The following ERC2 variants were observed in gnomAD, a reference collection of about 807,000 sequenced individuals.
The protein encoded by ERC2 is ERC protein 2.
In ERC2, 42 loss-of-function variants were observed where a neutral mutation model predicts 114.8. The observed-to-expected ratio is 0.37, with a 90% CI of 0.29 to 0.47. ERC2 has a LOEUF of 0.47. ERC2 is among the 20% of genes least tolerant of loss of function. ERC2 has a pLI of 0.99. For synonymous variants in ERC2, 454 were observed against 425.5 expected, an observed-to-expected ratio of 1.07 and a Z score of -0.82; for missense variants, 939 against 1,150.7, an observed-to-expected ratio of 0.82 and a Z score of 2.66.
chr3:55,988,904 A>G (rs2070837552), intron 11 of ERC2, among the ~76,000 whole-genome samples: 1 of 152,232 alleles, frequency 6.6e-6, no homozygotes, highest in Admixed American at 6.5e-5. Flanking sequence ...AGGTTGCTTG[A>G]CAACTGGAAG....
At chr3:55,934,178 A>G (rs1439800252) in intron 13 of ERC2, among the ~76,000 whole-genome samples, 1 of 152,256 alleles carries the variant, frequency 6.6e-6, no homozygotes, top group African/African-American at 2.4e-5. Context: ...CTAAAAATTT[A>G]TGATGCTGGG....
intron 14 of ERC2, among the ~76,000 whole-genome samples, chr3:55,808,735 AT>A (rs1559689490): frequency 0.072 from 8,081 of 112,880 alleles, 485 homozygotes; most frequent in Non-Finnish European, 0.097. Context: ...ATATATATAT[AT>A]ATATATAACG....
At chr3:56,000,928 C>T (rs2149546648) in intron 10 of ERC2, among the ~76,000 whole-genome samples, 1 of 149,604 alleles carries the variant, frequency 6.7e-6, no homozygotes, top group South Asian at 2.1e-4. Context: ...GAAGAAATTA[C>T]CAACATTAGA....
chr3:56,230,400 A>G (rs1458257565), intron 3 of ERC2, among the ~76,000 whole-genome samples: 1 of 152,138 alleles, frequency 6.6e-6, no homozygotes, highest in Non-Finnish European at 1.5e-5. Context: ...GACTGCATCC[A>G]TGTATCACCC....
rs773914622 is a variant in ERC2 at position 56,296,289 on chromosome 3, G to A, written c.804C>T (p.Ala268=). The stretch of plus-strand genomic sequence containing the variant: ...GCTCCTTAGCCTGCCTGTCATGCTC[G>A]GCTTGGAGCCGCCTAAAGTTCTCCT... ...LTEENFRRLQ[A]EHDRQAKELF... is the part of the protein sequence containing the mutation. Residue 268 remains alanine, a synonymous_variant, in exon 3 of 18, where the codon GCC becomes GCT. Coordinates refer to ENST00000288221, the MANE Select transcript of ERC2 (RefSeq NM_015576.3). 29 of 1,613,848 alleles carry A rather than the reference G, an allele frequency of 1.8e-5. No individual in the cohort carries two copies. The highest frequency in any genetic ancestry group is 1.1e-4 in the East Asian group (5 of 44,894).
At chr3:56,214,903 G>A (rs2049346177) in intron 3 of ERC2, among the ~76,000 whole-genome samples, 1 of 152,190 alleles carries the variant, frequency 6.6e-6, no homozygotes, top group African/African-American at 2.4e-5. Flanking sequence ...AGCTTCAGAA[G>A]TGAAGGAGAA....
intron 14 of ERC2, among the ~76,000 whole-genome samples, chr3:55,781,026 C>A (rs1162169753): frequency 2.0e-5 from 3 of 152,200 alleles, no homozygotes; most frequent in African/African-American, 7.2e-5. Flanking sequence ...GGGGCCTTAG[C>A]GTGTGGTATG....
intron 12 of ERC2, among the ~76,000 whole-genome samples, chr3:55,952,165 ACACACACACACACACT>A (rs1301309982): frequency 0.031 from 2,648 of 85,704 alleles, 221 homozygotes; most frequent in Non-Finnish European, 0.045. Flanking sequence ...ACACACACAC[ACACACACACACACACT>A]CTCTCTCTCT....
rs537235251 is a variant in ERC2 at position 56,466,165 on chromosome 3, A to G, written c.-141+2083T>C. On this transcript the variant is annotated intron_variant, in intron 1 of 17. Coordinates refer to ENST00000288221, the MANE Select transcript of ERC2 (RefSeq NM_015576.3). ...CAAAGTGCTTGCCTATGCAATAACA[A>G]TGATGATGATAGTAATAGTAATAAT... 2.6e-5 allele frequency among the ~76,000 whole-genome samples: 4 copies of G among 152,366 alleles called. No homozygotes were observed. In the Middle Eastern group the frequency reaches 0.01, roughly 389 times the overall value.
intron 6 of ERC2, among the ~76,000 whole-genome samples, chr3:56,089,561 T>G (rs2077676668): frequency 6.6e-6 from 1 of 151,892 alleles, no homozygotes; most frequent in Non-Finnish European, 1.5e-5. Context: ...TACTCTACAT[T>G]TTTTGTATTG....
rs577692237 is a variant in ERC2 at position 55,721,958 on chromosome 3, C to T, written c.2712+12813G>A. ...TGGGCCATGAGAAAGAGGAAATAAG[C>T]CAGCTGCAAGATAATCAGTTAATTG... On this transcript the variant is annotated intron_variant, in intron 15 of 17. Coordinates refer to ENST00000288221, the MANE Select transcript of ERC2 (RefSeq NM_015576.3). 1.8e-3 allele frequency among the ~76,000 whole-genome samples: 281 copies of T among 152,266 alleles called. 3 individuals carry two copies. Among genetic ancestry groups the T allele is most frequent in the South Asian group, 8.5e-3 (41 of 4,820 alleles).
At chr3:55,896,846 C>A (rs1169320703) in intron 13 of ERC2, among the ~76,000 whole-genome samples, 1 of 152,150 alleles carries the variant, frequency 6.6e-6, no homozygotes, top group Non-Finnish European at 1.5e-5. Flanking sequence ...AAAGAAAAAA[C>A]CCTGAATAAT....
At chr3:55,766,671 C>G (rs1417920479) in intron 14 of ERC2, 2 of 152,244 alleles carry the variant, frequency 1.3e-5, no homozygotes, top group Non-Finnish European at 2.9e-5. Context: ...GGGCACTCAC[C>G]CTCTGGCCCC....
At chr3:56,260,512 T>G (rs2052844918) in intron 3 of ERC2, among the ~76,000 whole-genome samples, 1 of 152,188 alleles carries the variant, frequency 6.6e-6, no homozygotes. Flanking sequence ...CAAGCAGCCC[T>G]TCTGTTACCC....
chr3:55,531,412 G>C (rs996185553), intron 17 of ERC2, among the ~76,000 whole-genome samples: 1 of 152,068 alleles, frequency 6.6e-6, no homozygotes, highest in African/African-American at 2.4e-5. Flanking sequence ...CCTTCCCCAT[G>C]ACAAGCCACC....
intron 7 of ERC2, among the ~76,000 whole-genome samples, chr3:56,056,653 A>G (rs1007587940): frequency 6.6e-6 from 1 of 152,146 alleles, no homozygotes; most frequent in African/African-American, 2.4e-5. Context: ...TGTGCTGGTA[A>G]TAGCTGGACG....
chr3:56,252,998 A>C (rs1446241181), intron 3 of ERC2, among the ~76,000 whole-genome samples: 4 of 152,204 alleles, frequency 2.6e-5, no homozygotes, highest in Non-Finnish European at 5.9e-5. Flanking sequence ...AGCAACTTTC[A>C]GAGTACTTTG....
chr3:56,161,820 T>A (rs2082063357), intron 4 of ERC2, among the ~76,000 whole-genome samples: 1 of 152,146 alleles, frequency 6.6e-6, no homozygotes, highest in Non-Finnish European at 1.5e-5. Flanking sequence ...TATAGAATCA[T>A]ACCGTCAGTG....
At chr3:55,840,817 T>C (rs1055134746) in intron 14 of ERC2, among the ~76,000 whole-genome samples, 24 of 152,138 alleles carry the variant, frequency 1.6e-4, no homozygotes, top group African/African-American at 4.3e-4. Context: ...TATTGATTCA[T>C]GTAACATGGA....
Sources: allele counts gnomAD v4.1 joint callset (sites outside exome capture counted in the v4.1 genomes callset), GRCh38; gene constraint gnomAD v4.1.1; transcripts MANE v1.5; gene names NCBI Gene and HGNC (gene_info 2026-07-23, HGNC 2026-07-21).